The following CLASP1 variants were observed in gnomAD, a reference collection of about 807,000 sequenced individuals.
CLASP1 encodes the protein cytoplasmic linker associated protein 1.
In CLASP1, 38 loss-of-function variants were observed where a neutral mutation model predicts 192.3. The observed-to-expected ratio is 0.20, with a 90% CI of 0.15 to 0.26. The LOEUF is 0.26. Ranked by LOEUF, CLASP1 falls within the 10% of genes least tolerant of loss-of-function variation. The pLI is 1.00. For missense variants in CLASP1, 1,433 were observed against 1,932.5 expected (o/e 0.74, Z 4.85); for synonymous variants, 691 against 712.8 (o/e 0.97, Z 0.49).
intron 2 of CLASP1, among the ~76,000 whole-genome samples, chr2:121,574,645 A>C (rs1254321620): frequency 2.6e-5 from 4 of 151,244 alleles, no homozygotes; most frequent in South Asian, 2.1e-4. Flanking sequence ...AAAAAAAAAA[A>C]AAAAAAACAA....
At chr2:121,429,467 C>CA (rs2149635544) in intron 20 of CLASP1, among the ~76,000 whole-genome samples, 1 of 152,282 alleles carries the variant, frequency 6.6e-6, no homozygotes, top group East Asian at 1.9e-4. Context: ...AGTGAGACAC[C>CA]AAGTGAGGAT....
intron 24 of CLASP1, chr2:121,408,883 G>C: frequency 1.4e-6 from 1 of 697,516 alleles, no homozygotes; most frequent in East Asian, 2.7e-5. Context: ...CAATGATGGT[G>C]AATCACTGTT....
intron 20 of CLASP1, among the ~76,000 whole-genome samples, chr2:121,429,556 T>C (rs1444479642): frequency 6.6e-6 from 1 of 152,142 alleles, no homozygotes; most frequent in African/African-American, 2.4e-5. Context: ...TGACTTCACA[T>C]ATACAGAGAC....
chr2:121,546,490 G>T (rs1424975108), intron 2 of CLASP1, among the ~76,000 whole-genome samples: 1 of 151,980 alleles, frequency 6.6e-6, no homozygotes, highest in Non-Finnish European at 1.5e-5. Flanking sequence ...AGCAAGGCAG[G>T]ACGGTGGCCC....
chr2:121,516,232 G>A (rs748939516), intron 6 of CLASP1, among the ~76,000 whole-genome samples: 31 of 152,114 alleles, frequency 2.0e-4, no homozygotes, highest in Admixed American at 9.8e-4. Context: ...GTCCTAAGAA[G>A]GAGATTTTTA....
intron 1 of CLASP1, among the ~76,000 whole-genome samples, chr2:121,629,518 C>T (rs1410013541): frequency 1.3e-5 from 2 of 151,552 alleles, no homozygotes; most frequent in African/African-American, 2.4e-5. Flanking sequence ...AGGCCGGGAG[C>T]GGTGGCTCAC....
At chr2:121,383,166 G>T (rs1353608173) in intron 32 of CLASP1, among the ~76,000 whole-genome samples, 1 of 152,222 alleles carries the variant, frequency 6.6e-6, no homozygotes, top group Non-Finnish European at 1.5e-5. Flanking sequence ...GCTGGCTGGT[G>T]ATGTGGGGTA....
At chr2:121,548,166 CCAAAATAAAATGATACAGGAGCTGAAGGA>C (rs1481371554) in intron 2 of CLASP1, among the ~76,000 whole-genome samples, 1 of 152,034 alleles carries the variant, frequency 6.6e-6, no homozygotes, top group African/African-American at 2.4e-5. Flanking sequence ...AAAGTAAGAA[CCAAAATAAAATGATACAGGAGCTGAAGGA>C]CAAAATAGCC....
intron 8 of CLASP1, among the ~76,000 whole-genome samples, chr2:121,478,693 ACAC>A (rs2092019764): frequency 2.8e-5 from 2 of 72,148 alleles, no homozygotes; most frequent in African/African-American, 5.0e-5. Flanking sequence ...CACCCCACAC[ACAC>A]AACCACACCC....
chr2:121,364,069 T>C (rs939459849), intron 36 of CLASP1: 2 of 152,232 alleles, frequency 1.3e-5, no homozygotes, highest in African/African-American at 4.8e-5. Context: ...TTTTTAAAAG[T>C]ATTTTTAAAA....
intron 19 of CLASP1, among the ~76,000 whole-genome samples, chr2:121,440,085 A>T (rs537087370): frequency 5.4e-4 from 53 of 98,726 alleles, no homozygotes; most frequent in African/African-American, 1.2e-3. Flanking sequence ...AAGTATAATT[A>T]AAAAAAAAAC....
chr2:121,400,297 G>A (rs924163301), intron 28 of CLASP1, among the ~76,000 whole-genome samples: 4 of 151,924 alleles, frequency 2.6e-5, no homozygotes, highest in South Asian at 2.1e-4. Flanking sequence ...AAGGGTAATC[G>A]CTCTGGATAA....
intron 37 of CLASP1, among the ~76,000 whole-genome samples, chr2:121,357,519 G>T (rs191567426): frequency 1.5e-4 from 23 of 152,204 alleles, no homozygotes; most frequent in Admixed American, 1.5e-3. Context: ...GTGAACCCAG[G>T]CCTTCAAACC....
chr2:121,631,507 C>T (rs1309340981), intron 1 of CLASP1, among the ~76,000 whole-genome samples: 3 of 151,842 alleles, frequency 2.0e-5, no homozygotes, highest in South Asian at 2.1e-4. Flanking sequence ...AGGATGGTCT[C>T]GATCTCTTGA....
intron 1 of CLASP1, among the ~76,000 whole-genome samples, chr2:121,619,752 A>AT (rs1298911396): frequency 6.6e-6 from 1 of 152,024 alleles, no homozygotes; most frequent in Non-Finnish European, 1.5e-5. Flanking sequence ...TTTTCATTCT[A>AT]TTTTTTCTCC....
intron 24 of CLASP1, among the ~76,000 whole-genome samples, chr2:121,408,275 G>A (rs554024344): frequency 1.3e-5 from 2 of 152,290 alleles, no homozygotes; most frequent in South Asian, 2.1e-4. Context: ...AAATGTCAAT[G>A]GCAGAAGCAG....
intron 1 of CLASP1, among the ~76,000 whole-genome samples, chr2:121,611,073 G>A (rs111207637): frequency 2.8e-5 from 4 of 142,664 alleles, no homozygotes; most frequent in African/African-American, 7.9e-5. Context: ...AAGAAGAACT[G>A]GAGGAGGAGG....
chr2:121,553,581 G>C (rs1361570771), intron 2 of CLASP1, among the ~76,000 whole-genome samples: 1 of 151,938 alleles, frequency 6.6e-6, no homozygotes, highest in Non-Finnish European at 1.5e-5. Context: ...GGCGCCTGTA[G>C]TCCCAGCTAC....
rs553844820 is a variant in CLASP1 at position 121,387,544 on chromosome 2, G to T, written c.3267+219C>A. 2.0e-5 allele frequency among the ~76,000 whole-genome samples: 3 copies of T among 152,236 alleles called. No homozygotes were observed. The South Asian group carries it at 6.2e-4, about 32-fold the overall frequency. ...AATGAATGACTAACTGGATAACCTA[G>T]TGAAAATGTAGTTGACTGAACAACC... On this transcript the variant is annotated intron_variant, in intron 31 of 39. Coordinates refer to ENST00000263710, the Ensembl canonical transcript of CLASP1.
Sources: gnomAD v4.1 joint callset for allele counts (sites outside exome capture counted in the v4.1 genomes callset) on GRCh38, gnomAD v4.1.1 for gene constraint, MANE v1.5 for transcripts, NCBI Gene and HGNC (gene_info 2026-07-23, HGNC 2026-07-21) for gene names.